SPECC1L: variants seen among roughly 807,000 people sequenced by gnomAD.
The protein encoded by SPECC1L is sperm antigen with calponin homology and coiled-coil domains 1 like.
A neutral mutation model predicts 116.8 loss-of-function variants in SPECC1L; 40 were observed. That is an observed-to-expected ratio of 0.34 (90% CI 0.27 to 0.45). SPECC1L has a LOEUF of 0.45. SPECC1L is among the 20% of genes least tolerant of loss of function. The pLI is 1.00. For missense variants in SPECC1L, 1,110 were observed against 1,373.6 expected, an observed-to-expected ratio of 0.81 and a Z score of 3.03; for synonymous variants, 504 against 500.6, an observed-to-expected ratio of 1.01 and a Z score of -0.09.
At chr22:24,365,728 G>A in intron 13 of SPECC1L, 96 bp downstream of exon 13, 1 of 1,427,134 alleles carries the variant, frequency 7.0e-7, no homozygotes, top group Non-Finnish European at 9.8e-7. Context: ...TTTGAGCACT[G>A]TGATTTTTCT....
In SPECC1L at chr22:24,321,619, G is replaced by A. The variant is rs2040725065; in HGVS notation, c.639G>A (p.Leu213=). The A allele has an allele frequency of 1.9e-6, 3 of 1,614,212 alleles. No individual in the cohort carries two copies. The highest frequency in any genetic ancestry group is 2.5e-6 in the Non-Finnish European group (3 of 1,180,052). Residue 213 remains leucine, a synonymous_variant, in exon 5 of 17, where the codon CTG becomes CTA. Coordinates refer to ENST00000314328, the MANE Select transcript of SPECC1L (RefSeq NM_015330.6). ...RNELRDMRAQ[L]GINEDHSEGD... ...AACTGCGAGACATGCGTGCCCAGCT[G>A]GGCATTAATGAGGATCATTCTGAGG...
At chr22:24,389,203 G>A (rs1186481659) in intron 14 of SPECC1L, among the ~76,000 whole-genome samples, 1 of 142,762 alleles carries the variant, frequency 7.0e-6, no homozygotes, top group East Asian at 2.1e-4. Context: ...TGCAACCTCT[G>A]CCTCCTGGGT....
At chr22:24,337,961 C>T (rs1474201411) in intron 9 of SPECC1L, among the ~76,000 whole-genome samples, 1 of 149,726 alleles carries the variant, frequency 6.7e-6, no homozygotes, top group Non-Finnish European at 1.5e-5. Flanking sequence ...GAAAGACAAG[C>T]AGAAGCAGGA....
At position 24,322,316 on chromosome 22, in the gene SPECC1L, A is replaced by T; in HGVS notation, c.1336A>T (p.Met446Leu). The T allele has an allele frequency of 6.2e-7, 1 of 1,614,232 alleles. No individual in the cohort carries two copies. Among genetic ancestry groups the T allele is most frequent in the Non-Finnish European group, 8.5e-7 (1 of 1,180,046 alleles). The change falls in exon 5 of 17, where the codon ATG becomes TTG. Residue 446 changes from methionine (M) to leucine (L), a missense_variant. Physicochemically the swap from Met to Leu is conservative, Grantham distance 15. This residue lies in a region of SPECC1L where 575 missense variants were observed against 682.4 expected (regional missense o/e 0.84). Coordinates refer to ENST00000314328, the MANE Select transcript of SPECC1L (RefSeq NM_015330.6). ...GCTTGGAGAAGAGAAGGTTATTCTG[A>T]TGGAGTCTTTATGTCAGCAGAGCGA... Reference protein sequence around the residue: ...ERLGEEKVILMESLCQQSDKL... With the variant: ...ERLGEEKVILLESLCQQSDKL...
At chr22:24,399,882 A>G (rs1318952599) in intron 14 of SPECC1L, among the ~76,000 whole-genome samples, 1 of 152,200 alleles carries the variant, frequency 6.6e-6, no homozygotes, top group Non-Finnish European at 1.5e-5. Flanking sequence ...TTTTTAAGAA[A>G]TATATCTATT....
intron 4 of SPECC1L, among the ~76,000 whole-genome samples, chr22:24,316,912 C>G (rs1246189122): frequency 8.9e-6 from 1 of 112,806 alleles, no homozygotes; most frequent in African/African-American, 3.2e-5. Context: ...GGGGGGCTGA[C>G]CCCCCCAACC....
At chr22:24,367,428 T>TA (rs897772491) in intron 13 of SPECC1L, among the ~76,000 whole-genome samples, 1 of 152,132 alleles carries the variant, frequency 6.6e-6, no homozygotes, top group African/African-American at 2.4e-5. Flanking sequence ...ATGAGATTTT[T>TA]TTTTTTGCAA....
At chr22:24,355,736 G>A (rs1280080859) in intron 11 of SPECC1L, among the ~76,000 whole-genome samples, 7 of 151,956 alleles carry the variant, frequency 4.6e-5, no homozygotes, top group Admixed American at 4.6e-4. Flanking sequence ...ACTTCAGTTG[G>A]TCTGTCATGG....
At chr22:24,404,121 TC>T (rs1156710956) in intron 14 of SPECC1L, among the ~76,000 whole-genome samples, 4 of 152,194 alleles carry the variant, frequency 2.6e-5, no homozygotes, top group African/African-American at 9.6e-5. Flanking sequence ...AACACACTCT[TC>T]CTTTGCCTTC....
At chr22:24,348,229 T>C (rs2041344313) in intron 11 of SPECC1L, among the ~76,000 whole-genome samples, 1 of 152,184 alleles carries the variant, frequency 6.6e-6, no homozygotes, top group Non-Finnish European at 1.5e-5. Flanking sequence ...GTTACTTCCA[T>C]GCGTCAGGAA....
chr22:24,367,822 T>C, intron 13 of SPECC1L, among the ~76,000 whole-genome samples: 1 of 152,166 alleles, frequency 6.6e-6, no homozygotes, highest in South Asian at 2.1e-4. Flanking sequence ...TACGAACCTT[T>C]AGGATATTTA....
At chr22:24,390,857 T>C (rs2042250180) in intron 14 of SPECC1L, among the ~76,000 whole-genome samples, 2 of 87,858 alleles carry the variant, frequency 2.3e-5, no homozygotes, top group African/African-American at 8.3e-5. Context: ...TGTTCCTTTT[T>C]TTTTTTTTTC....
intron 11 of SPECC1L, among the ~76,000 whole-genome samples, chr22:24,357,791 A>T (rs140573471): frequency 0.011 from 1,644 of 152,260 alleles, 27 homozygotes; most frequent in African/African-American, 0.036. Context: ...GGCTTTTCTT[A>T]ATGCCTGCTC....
rs771087729 is a variant in SPECC1L at position 24,416,042 on chromosome 22, C to T, written c.*1419C>T. On this transcript the variant is annotated 3_prime_UTR_variant, in exon 17 of 17. Transcript: ENST00000314328. The stretch of plus-strand genomic sequence containing the variant: ...CACCAGTGGAAGCGGGGTCACTGCC[C>T]CACAGACTGGATGCAATGAGGGGCT... 6.6e-6 allele frequency: 1 copy of T among 152,296 alleles called. No individual in the cohort carries two copies. Among genetic ancestry groups the T allele is most frequent in the Admixed American group, 6.5e-5 (1 of 15,288 alleles). 9.4% of individuals were successfully genotyped at this position (152,296 alleles called of 1,614,324 possible).
At chr22:24,277,117 A>T (rs545941280) in intron 2 of SPECC1L, among the ~76,000 whole-genome samples, 9 of 152,174 alleles carry the variant, frequency 5.9e-5, no homozygotes, top group South Asian at 2.1e-4. Context: ...GGGTTTTTCA[A>T]CCCTAGTTCC....
chr22:24,384,857 A>C (rs1267076134), intron 14 of SPECC1L, among the ~76,000 whole-genome samples: 1 of 152,142 alleles, frequency 6.6e-6, no homozygotes, highest in Admixed American at 6.5e-5. Context: ...TGGGCGGATC[A>C]TGAGGTCAGG....
chr22:24,354,612 G>T (rs529156464), intron 11 of SPECC1L, among the ~76,000 whole-genome samples: 17 of 150,034 alleles, frequency 1.1e-4, no homozygotes, highest in South Asian at 2.1e-4. Context: ...GCCTATCTTG[G>T]TTTTTTTTCC....
intron 4 of SPECC1L, among the ~76,000 whole-genome samples, 190 bp downstream of exon 4, chr22:24,313,656 C>G (rs1473163300): frequency 3.9e-5 from 6 of 152,118 alleles, no homozygotes; most frequent in Admixed American, 2.0e-4. Flanking sequence ...TGATACCCAC[C>G]CTTCCCTCTT....
At chr22:24,352,610 C>G (rs1255122389) in intron 11 of SPECC1L, among the ~76,000 whole-genome samples, 1 of 152,218 alleles carries the variant, frequency 6.6e-6, no homozygotes, top group Non-Finnish European at 1.5e-5. Flanking sequence ...GCCAAACCTT[C>G]TGTTTAAAAA....
Sources: gnomAD v4.1 joint callset for allele counts (sites outside exome capture counted in the v4.1 genomes callset) on GRCh38, gnomAD v4.1.1 for gene constraint, gnomAD v4.1.1 regional missense constraint, MANE v1.5 for transcripts, NCBI Gene and HGNC (gene_info 2026-07-23, HGNC 2026-07-21) for gene names.